The following ZNF638 variants were observed in gnomAD, a reference collection of about 807,000 sequenced individuals.
ZNF638 encodes CTCL tumor antigen se33-1.
A neutral mutation model predicts 195.6 loss-of-function variants in ZNF638; 46 were observed. That is an observed-to-expected ratio of 0.24 (90% CI 0.19 to 0.30). The LOEUF (loss-of-function observed/expected upper bound fraction) is 0.30, where lower values mean the gene tolerates loss of function less well. ZNF638 is among the 10% of genes least tolerant of loss of function. The pLI, the probability that ZNF638 is intolerant of heterozygous loss-of-function variation, is 1.00. For missense variants in ZNF638, 2,440 were observed against 2,325.3 expected, an observed-to-expected ratio of 1.05 and a Z score of -1.01; for synonymous variants, 845 against 772.0, an observed-to-expected ratio of 1.09 and a Z score of -1.57.
chr2:71,392,981 T>C (rs4852780), intron 10 of ZNF638, among the ~76,000 whole-genome samples: 80,461 of 152,126 alleles, frequency 0.53, 23,446 homozygotes, highest in East Asian at 0.85. Flanking sequence ...CTTTTAACTT[T>C]TGCGTTTATG....
chr2:71,344,521 G>A (rs976673600), intron 1 of ZNF638, among the ~76,000 whole-genome samples: 12 of 119,514 alleles, frequency 1.0e-4, no homozygotes, highest in African/African-American at 3.5e-4. Flanking sequence ...TGTTCTGGCT[G>A]TAATATCTTT....
intron 8 of ZNF638, 61 bp from the exon 9 acceptor site, chr2:71,380,161 C>T: frequency 1.0e-6 from 1 of 970,470 alleles, no homozygotes; most frequent in Non-Finnish European, 1.5e-6. Context: ...GATTTTTGTT[C>T]TATATTTTCT....
intron 4 of ZNF638, 76 bp from the exon 5 acceptor site, chr2:71,363,878 G>A: frequency 1.3e-6 from 2 of 1,491,348 alleles, no homozygotes; most frequent in Non-Finnish European, 9.0e-7. Context: ...TTTTAACAAG[G>A]TACTTCTGTC....
At chr2:71,388,378 C>T in intron 10 of ZNF638, 1 of 622,282 alleles carries the variant, frequency 1.6e-6, no homozygotes, top group Non-Finnish European at 3.0e-6. Flanking sequence ...ATCATCCGAC[C>T]TTTGATCATC....
intron 1 of ZNF638, among the ~76,000 whole-genome samples, chr2:71,343,390 T>TCACCC (rs1267767723): frequency 6.6e-6 from 1 of 152,162 alleles, no homozygotes; most frequent in African/African-American, 2.4e-5. Context: ...ATGTATCTCC[T>TCACCC]CACCCCACCC....
chr2:71,424,458 C>A, intron 22 of ZNF638, among the ~76,000 whole-genome samples, 192 bp from the exon 23 acceptor site: 1 of 152,146 alleles, frequency 6.6e-6, no homozygotes, highest in East Asian at 1.9e-4. Context: ...AATTTAACTA[C>A]AACTTGTACA....
intron 8 of ZNF638, among the ~76,000 whole-genome samples, 183 bp downstream of exon 8, chr2:71,370,188 A>G (rs1009408354): frequency 2.6e-5 from 4 of 152,234 alleles, no homozygotes; most frequent in African/African-American, 9.6e-5. Context: ...TGCTATATAC[A>G]GTATTAAATA....
chr2:71,384,007 T>A (rs2079587792), intron 10 of ZNF638, among the ~76,000 whole-genome samples: 1 of 152,100 alleles, frequency 6.6e-6, no homozygotes, highest in African/African-American at 2.4e-5. Context: ...CTTATATTAT[T>A]TAACAGTTAC....
Position 71,348,821 on chromosome 2 carries a change from T to C in ZNF638, c.-134T>C. 1.9e-6 allele frequency: 3 copies of C among 1,596,880 alleles called. No individual in the cohort carries two copies. The highest frequency in any genetic ancestry group is 1.7e-6 in the Non-Finnish European group (2 of 1,174,708). ...TTGAACCTGGGCATTGCAAACCCAC[T>C]TCTGTTGGGCCCATCTCCTTTGCAC... On this transcript the variant is annotated 5_prime_UTR_variant, in exon 2 of 28. Coordinates refer to ENST00000264447, the MANE Select transcript of ZNF638 (RefSeq NM_014497.5).
chr2:71,423,679 A>G lies in ZNF638; in HGVS notation c.4165A>G (p.Ser1389Gly), dbSNP rs780359235. The change falls in exon 22 of 28, where the codon AGC becomes GGC. Residue 1389 changes from serine (S) to glycine (G), a missense_variant. Ser to Gly is a moderately conservative substitution (Grantham distance 56). Transcript: ENST00000264447. Reference sequence around the variant, plus strand: ...TATTCTGGCTGTATCAGATGTATCTAGCAGTAAACCAAGCATCAAGGCTGT... The same window carrying G: ...TATTCTGGCTGTATCAGATGTATCTGGCAGTAAACCAAGCATCAAGGCTGT... ...TSILAVSDVSSSKPSIKAVIV... is the reference protein window; with the variant it reads ...TSILAVSDVSGSKPSIKAVIV... 3 of 1,613,924 alleles carry G rather than the reference A, an allele frequency of 1.9e-6. No individual in the cohort carries two copies. The East Asian group carries it at 6.7e-5, about 36-fold the overall frequency.
chr2:71,425,972 G>A (rs557925990), intron 23 of ZNF638, among the ~76,000 whole-genome samples: 2 of 152,190 alleles, frequency 1.3e-5, no homozygotes, highest in East Asian at 3.9e-4. Context: ...CTTAAAATAT[G>A]TATTCTATAT....
intron 10 of ZNF638, among the ~76,000 whole-genome samples, chr2:71,387,908 TAAG>T (rs1217663296): frequency 6.6e-6 from 1 of 151,996 alleles, no homozygotes; most frequent in Admixed American, 6.6e-5. Context: ...TAATAAAAAA[TAAG>T]AAGCCTCAAC....
intron 21 of ZNF638, among the ~76,000 whole-genome samples, chr2:71,421,545 G>A (rs967022203): frequency 6.6e-6 from 1 of 152,058 alleles, no homozygotes; most frequent in Non-Finnish European, 1.5e-5. Flanking sequence ...ACCCTGATGT[G>A]GTAGCACAAC....
At chr2:71,400,260 C>T (rs1281391410) in intron 14 of ZNF638, 80 bp downstream of exon 14, 4 of 1,176,364 alleles carry the variant, frequency 3.4e-6, no homozygotes, top group Non-Finnish European at 4.8e-6. Flanking sequence ...AAGAGTATTA[C>T]GATTCATGTC....
At chr2:71,356,156 A>C (rs1156876311) in intron 3 of ZNF638, among the ~76,000 whole-genome samples, 2 of 152,174 alleles carry the variant, frequency 1.3e-5, no homozygotes, top group African/African-American at 4.8e-5. Flanking sequence ...ACCAGTATTT[A>C]ATTTTGGACC....
chr2:71,369,803 G>C, intron 7 of ZNF638, 80 bp from the exon 8 acceptor site: 2 of 1,390,840 alleles, frequency 1.4e-6, no homozygotes, highest in South Asian at 2.9e-5. Context: ...TGTTACAAAA[G>C]AAAGGATTAA....
intron 20 of ZNF638, among the ~76,000 whole-genome samples, chr2:71,410,919 G>T (rs2152587730): frequency 6.7e-6 from 1 of 148,152 alleles, no homozygotes; most frequent in African/African-American, 2.5e-5. Flanking sequence ...GTTTTTTCTT[G>T]GTTTGGGACT....
intron 9 of ZNF638, 25 bp downstream of exon 9, chr2:71,380,305 G>A: frequency 6.7e-7 from 1 of 1,492,280 alleles, no homozygotes; most frequent in Non-Finnish European, 9.1e-7. Flanking sequence ...GATTTCATAT[G>A]TGAGAATGAA....
intron 5 of ZNF638, 83 bp downstream of exon 5, chr2:71,364,335 T>G: frequency 7.2e-7 from 1 of 1,383,642 alleles, no homozygotes; most frequent in Middle Eastern, 1.9e-4. Context: ...TTGAGAAATG[T>G]TCTACTTTAT....
Sources: gnomAD v4.1 joint callset for allele counts (sites outside exome capture counted in the v4.1 genomes callset) on GRCh38, gnomAD v4.1.1 for gene constraint, MANE v1.5 for transcripts, NCBI Gene and HGNC (gene_info 2026-07-23, HGNC 2026-07-21) for gene names.